The following RFX2 variants were observed in gnomAD, a reference collection of about 807,000 sequenced individuals.
RFX2 encodes the protein DNA-binding protein RFX2.
RFX2 carries 20 observed loss-of-function variants against 87.8 expected under a neutral mutation model. The ratio of observed to expected loss-of-function variants is 0.23; its 90% CI spans 0.16 to 0.33. RFX2 has a LOEUF of 0.33. Among genes scored for constraint, RFX2 ranks in the 10% least tolerant of loss-of-function variants. RFX2 has a pLI of 1.00. For missense variants in RFX2, 767 were observed against 1,012.3 expected (o/e 0.76, Z 3.29); for synonymous variants, 397 against 431.3 (o/e 0.92, Z 0.98).
rs146652179 is a variant in RFX2 at position 6,076,376 on chromosome 19, G to A, written c.-8-28872C>T. Among the ~76,000 whole-genome samples the A allele has an allele frequency of 2.1e-3, 322 of 152,072 alleles. 2 individuals are homozygous for A. The highest frequency in any genetic ancestry group is 3.1e-3 in the Non-Finnish European group (212 of 67,972). On this transcript the variant is annotated intron_variant, in intron 1 of 17. Coordinates refer to ENST00000303657, the MANE Select transcript of RFX2 (RefSeq NM_000635.4). Reference sequence around the variant, plus strand: ...ATAAATACATAAATAAGAAACAAACGTTCATCAACTGGAATACCATTAACT... The same window carrying A: ...ATAAATACATAAATAAGAAACAAACATTCATCAACTGGAATACCATTAACT...
At chr19:6,009,944 G>A (rs1449530641) in intron 9 of RFX2, among the ~76,000 whole-genome samples, 192 bp downstream of exon 9, 1 of 152,198 alleles carries the variant, frequency 6.6e-6, no homozygotes, top group Non-Finnish European at 1.5e-5. Context: ...TTTGGCATGT[G>A]CTGATTATTC....
Position 5,997,453 on chromosome 19 carries a change from G to A in RFX2, c.1860-240C>T, listed in dbSNP as rs915590002. The A allele has an allele frequency of 2.2e-6, 1 of 463,368 alleles. No homozygotes were observed. The highest frequency in any genetic ancestry group is 4.1e-5 in the South Asian group (1 of 24,362). The allele number at this position is 463,368 out of a possible 1,614,324, so 28.7% of individuals were successfully genotyped here. ...AGTTCCAGAGACCACCTGGGGAACA[G>A]GAGAGGGAGATGGGCAGTCAGCCCC... On this transcript the variant is annotated intron_variant, in intron 15 of 17. Coordinates refer to ENST00000303657, the MANE Select transcript of RFX2 (RefSeq NM_000635.4). This position sits in a 1 kb window ranked among gnomAD's most constrained non-coding sequence, Gnocchi z 4.2.
Position 5,994,247 on chromosome 19 carries a change from T to C in RFX2, c.*588A>G, listed in dbSNP as rs532404137. On this transcript the variant is annotated 3_prime_UTR_variant, in exon 18 of 18. Transcript: ENST00000303657. ...GGGGCATCCGGCAGGGAGGTCTGGATCTAAAAGGCCACAGGGCGCTGCGCC... is the reference window on the plus strand; with the variant it reads ...GGGGCATCCGGCAGGGAGGTCTGGACCTAAAAGGCCACAGGGCGCTGCGCC... 6.6e-6 allele frequency: 1 copy of C among 152,364 alleles called. No homozygotes were observed. Among genetic ancestry groups the C allele is most frequent in the Non-Finnish European group, 1.5e-5 (1 of 68,096 alleles). 9.4% of individuals were successfully genotyped at this position (152,364 alleles called of 1,614,324 possible).
At chr19:6,003,013 C>T in intron 13 of RFX2, 143 bp from the exon 14 acceptor site, 1 of 915,320 alleles carries the variant, frequency 1.1e-6, no homozygotes, top group Non-Finnish European at 1.6e-6. Context: ...AGGGAACCTC[C>T]TGCTATTCTT....
In RFX2 at chr19:6,011,557, G is replaced by A. The variant is rs200644644; in HGVS notation, c.900-1306C>T. On this transcript the variant is annotated intron_variant, in intron 8 of 17. Coordinates refer to ENST00000303657, the MANE Select transcript of RFX2 (RefSeq NM_000635.4). The surrounding 1 kb of genome is among the most constrained non-coding windows in gnomAD (Gnocchi z 4.8). Reference sequence around the variant, plus strand: ...AGCCTGTCCCCCTGAAATGTGTGTCGCTGCTCCTAAAATGACACACTGCCT... The same window carrying A: ...AGCCTGTCCCCCTGAAATGTGTGTCACTGCTCCTAAAATGACACACTGCCT... 1.1e-4 allele frequency among the ~76,000 whole-genome samples: 16 copies of A among 152,318 alleles called. No individual in the cohort carries two copies. In the South Asian group the frequency reaches 1.7e-3, roughly 16 times the overall value.
chr19:6,039,908 C>A lies in RFX2; in HGVS notation c.522+72G>T. 1 of 1,454,640 alleles carries A rather than the reference C, an allele frequency of 6.9e-7. No individual in the cohort carries two copies. Among genetic ancestry groups the A allele is most frequent in the South Asian group, 1.4e-5 (1 of 71,148 alleles). The allele number at this position is 1,454,640 out of a possible 1,614,324, so 90.1% of individuals were successfully genotyped here. A position where few individuals can be genotyped will look rare whatever the true frequency, so the allele number is the denominator to read the frequency against. The stretch of plus-strand genomic sequence containing the variant: ...TCCGGGCCTCCGGCTGCCTCTTACT[C>A]ACCATCCCTGCTGCCGCTGCTTCGA... On this transcript the variant is annotated intron_variant, in intron 5 of 17. Coordinates refer to ENST00000303657, the MANE Select transcript of RFX2 (RefSeq NM_000635.4). This position sits in a 1 kb window ranked among gnomAD's most constrained non-coding sequence, Gnocchi z 5.2.
rs541391953 is a variant in RFX2 at position 6,012,820 on chromosome 19, T to C, written c.899+166A>G. Among the ~76,000 whole-genome samples, 205 of 152,326 alleles carry C rather than the reference T, an allele frequency of 1.3e-3. 1 individual carries two copies. The highest frequency in any genetic ancestry group is 4.9e-3 in the African/African-American group (202 of 41,580). ...GAGGAGGTTGCATCCCAGCCTCCTG[T>C]GTCTCCTGCTAGACTCACCTCAGTC... On this transcript the variant is annotated intron_variant, in intron 8 of 17. Transcript: ENST00000303657. This position sits in a 1 kb window ranked among gnomAD's most constrained non-coding sequence, Gnocchi z 4.6.
At chr19:6,070,120 G>A (rs1599902599) in intron 1 of RFX2, among the ~76,000 whole-genome samples, 2 of 67,454 alleles carry the variant, frequency 3.0e-5, no homozygotes, top group Non-Finnish European at 3.2e-5. Context: ...GGGATGGGAT[G>A]GGATGGGATG....
At chr19:6,098,965 C>CAAAAAAAAAAAAAAAAA (rs34110529) in intron 1 of RFX2, among the ~76,000 whole-genome samples, 1 of 52,730 alleles carries the variant, frequency 1.9e-5, no homozygotes, top group African/African-American at 5.2e-5. Flanking sequence ...GCTTGAACCA[C>CAAAAAAAAAAAAAAAAA]AAAAAAAAAA....
At chr19:6,005,887 G>A (rs1051521623) in intron 12 of RFX2, among the ~76,000 whole-genome samples, 1 of 152,290 alleles carries the variant, frequency 6.6e-6, no homozygotes, top group South Asian at 2.1e-4. Flanking sequence ...GTGGTCGTCT[G>A]CAAGACCAGG....
At chr19:6,092,441 G>A (rs2087949192) in intron 1 of RFX2, among the ~76,000 whole-genome samples, 2 of 152,138 alleles carry the variant, frequency 1.3e-5, no homozygotes, top group East Asian at 1.9e-4. Context: ...GCAGAAGAAC[G>A]AGTGCTCTGC....
chr19:6,096,516 G>A (rs1271393500), intron 1 of RFX2, among the ~76,000 whole-genome samples: 1 of 151,998 alleles, frequency 6.6e-6, no homozygotes, highest in Non-Finnish European at 1.5e-5. Context: ...GCGCGATCTC[G>A]GCTCACTGCA....
At chr19:5,996,192 C>T (rs937165201) in intron 16 of RFX2, among the ~76,000 whole-genome samples, 1 of 63,796 alleles carries the variant, frequency 1.6e-5, no homozygotes, top group South Asian at 4.3e-4. Context: ...GAGGCCATCC[C>T]ACGCAGCCCA....
rs1599838487 is a variant in RFX2 at position 6,001,832 on chromosome 19, C to T, written c.1842G>A (p.Leu614=). Reference sequence around the variant, plus strand: ...GGACTAACCTGTAAAAGGACCATTTCAGCAAGAACTGCCGGGCGGCCTTGG... The same window carrying T: ...GGACTAACCTGTAAAAGGACCATTTTAGCAAGAACTGCCGGGCGGCCTTGG... The part of the protein sequence containing the change: ...SFPKAARQFL[L]KWSFYSSMVI... Residue 614 remains leucine, a synonymous_variant, in exon 15 of 18, where the codon CTG becomes CTA. Transcript: ENST00000303657. This position sits in a 1 kb window ranked among gnomAD's most constrained non-coding sequence, Gnocchi z 5.6. The T allele has an allele frequency of 1.9e-6, 3 of 1,610,738 alleles. No homozygotes were observed. Among genetic ancestry groups the T allele is most frequent in the Non-Finnish European group, 2.5e-6 (3 of 1,178,218 alleles).
intron 1 of RFX2, among the ~76,000 whole-genome samples, chr19:6,087,444 G>A (rs926829104): frequency 6.6e-6 from 1 of 152,210 alleles, no homozygotes; most frequent in Non-Finnish European, 1.5e-5. Context: ...GGAGGGAGAT[G>A]CCTGCCAGAG....
intron 1 of RFX2, among the ~76,000 whole-genome samples, chr19:6,093,985 G>A (rs1030428715): frequency 9.2e-5 from 14 of 152,194 alleles, no homozygotes; most frequent in African/African-American, 3.4e-4. Flanking sequence ...TGTCTTTTTG[G>A]GGTGATGACT....
At position 6,073,411 on chromosome 19, in the gene RFX2, C is replaced by T. The variant is rs1023084358; in HGVS notation, c.-8-25907G>A. ...AAGTGCTGATGTGCAACAAATCTCC[C>T]TGTGCTGAGATCGCTCACAGTGTTT... On this transcript the variant is annotated intron_variant, in intron 1 of 17. Coordinates refer to ENST00000303657, the MANE Select transcript of RFX2 (RefSeq NM_000635.4). 32 of 1,046,392 alleles carry T rather than the reference C, an allele frequency of 3.1e-5. No homozygotes were observed. The African/African-American group carries it at 3.9e-4, about 13-fold the overall frequency. 64.8% of individuals were successfully genotyped at this position (1,046,392 alleles called of 1,614,324 possible).
intron 5 of RFX2, among the ~76,000 whole-genome samples, chr19:6,038,764 C>T (rs1158401951): frequency 1.3e-5 from 2 of 152,192 alleles, no homozygotes; most frequent in Non-Finnish European, 2.9e-5. Context: ...GTTGCAACCA[C>T]AATGAGGTAC....
At position 6,002,939 on chromosome 19, in the gene RFX2, G is replaced by T. The variant is rs2086514137; in HGVS notation, c.1501-69C>A. 1 of 1,519,632 alleles carries T rather than the reference G, an allele frequency of 6.6e-7. No homozygotes were observed. Among genetic ancestry groups the T allele is most frequent in the African/African-American group, 1.4e-5 (1 of 73,438 alleles). The allele number at this position is 1,519,632 out of a possible 1,614,324, so 94.1% of individuals were successfully genotyped here. On this transcript the variant is annotated intron_variant, in intron 13 of 17. Transcript: ENST00000303657. The surrounding 1 kb of genome is among the most constrained non-coding windows in gnomAD (Gnocchi z 6.7). ...CCTGTTCCGCTGCGCTCCTTGCAGG[G>T]GTGTGTGGGCTCAGGGACAACACAG...
Sources: allele counts gnomAD v4.1 joint callset (sites outside exome capture counted in the v4.1 genomes callset), GRCh38; gene constraint gnomAD v4.1.1; non-coding constraint Gnocchi (gnomAD v3.1); transcripts MANE v1.5; gene names NCBI Gene and HGNC (gene_info 2026-07-23, HGNC 2026-07-21).